The following CSMD3 variants were observed in gnomAD, a reference collection of about 807,000 sequenced individuals.
CSMD3 encodes the protein CUB and sushi domain-containing protein 3.
CSMD3 carries 177 observed loss-of-function variants against 435.2 expected under a neutral mutation model. That is an observed-to-expected ratio of 0.41 (90% confidence interval 0.36 to 0.46). CSMD3 has a LOEUF of 0.46. CSMD3 is among the 20% of genes least tolerant of loss of function. The pLI, the probability that CSMD3 is intolerant of heterozygous loss-of-function variation, is 0.34. For missense variants in CSMD3, 4,265 were observed against 4,504.6 expected (o/e 0.95, Z 1.52); for synonymous variants, 1,656 against 1,520.5 (o/e 1.09, Z -2.07).
intron 22 of CSMD3, among the ~76,000 whole-genome samples, chr8:112,615,068 C>T (rs1248574278): frequency 1.3e-5 from 2 of 151,892 alleles, no homozygotes; most frequent in Non-Finnish European, 2.9e-5. Flanking sequence ...ATAGAATATA[C>T]AGTTTAAAGT....
In CSMD3 at chr8:113,086,986, G is replaced by A. The variant is rs73338227; in HGVS notation, c.917+11770C>T. 3.6e-3 allele frequency among the ~76,000 whole-genome samples: 543 copies of A among 152,262 alleles called. 3 individuals carry two copies. Among genetic ancestry groups the A allele is most frequent in the African/African-American group, 0.012 (507 of 41,552 alleles). On this transcript the variant is annotated intron_variant, in intron 5 of 70. Coordinates refer to ENST00000297405, the MANE Select transcript of CSMD3 (RefSeq NM_198123.2). The stretch of plus-strand genomic sequence containing the variant: ...GTCATCTCTTTTAATATCTGAATAT[G>A]TTTTGTTGGAACCGCATCGCATAGC...
chr8:112,888,656 G>A (rs2081684243), intron 10 of CSMD3, among the ~76,000 whole-genome samples: 1 of 151,650 alleles, frequency 6.6e-6, no homozygotes, highest in Non-Finnish European at 1.5e-5. Flanking sequence ...GCAGAAGAAA[G>A]AAAGATGCAT....
chr8:113,138,810 AGTGTGTGTGTGTGTGT>A (rs34755068), intron 4 of CSMD3, among the ~76,000 whole-genome samples: 1 of 145,630 alleles, frequency 6.9e-6, no homozygotes, highest in Non-Finnish European at 1.5e-5. Context: ...TAAACGTGTT[AGTGTGTGTGTGTGTGT>A]GTGTGTGTGT....
At chr8:113,249,635 C>T (rs1393433808) in intron 3 of CSMD3, among the ~76,000 whole-genome samples, 1 of 151,870 alleles carries the variant, frequency 6.6e-6, no homozygotes, top group African/African-American at 2.4e-5. Flanking sequence ...TTGAATATGG[C>T]ATATAATATT....
chr8:112,964,893 A>G (rs1364690010), intron 7 of CSMD3, among the ~76,000 whole-genome samples: 1 of 151,994 alleles, frequency 6.6e-6, no homozygotes, highest in Non-Finnish European at 1.5e-5. Context: ...AATGCACCCT[A>G]AACCTAACAC....
intron 7 of CSMD3, among the ~76,000 whole-genome samples, chr8:112,962,005 T>G (rs1310313511): frequency 6.6e-6 from 1 of 152,010 alleles, no homozygotes; most frequent in African/African-American, 2.4e-5. Context: ...ACCATTGGTA[T>G]AGTTCACAGA....
At chr8:112,540,713 T>G (rs1047855073) in intron 27 of CSMD3, among the ~76,000 whole-genome samples, 1 of 151,902 alleles carries the variant, frequency 6.6e-6, no homozygotes, top group Non-Finnish European at 1.5e-5. Flanking sequence ...CACTTATATA[T>G]GGGGGCTAAC....
intron 13 of CSMD3, among the ~76,000 whole-genome samples, chr8:112,765,832 C>T (rs1222602378): frequency 2.0e-5 from 3 of 151,772 alleles, no homozygotes; most frequent in South Asian, 2.1e-4. Context: ...TTCAGATGCT[C>T]GTTGAACATC....
At chr8:112,662,441 A>C (rs2075407657) in intron 17 of CSMD3, among the ~76,000 whole-genome samples, 1 of 152,134 alleles carries the variant, frequency 6.6e-6, no homozygotes, top group Admixed American at 6.6e-5. Flanking sequence ...CCTATTTAAT[A>C]AATGGTGCTG....
intron 13 of CSMD3, among the ~76,000 whole-genome samples, chr8:112,737,068 G>T (rs2132037440): frequency 6.6e-6 from 1 of 151,978 alleles, no homozygotes; most frequent in Non-Finnish European, 1.5e-5. Flanking sequence ...CAGAGAGAAA[G>T]AAATCTGAGA....
rs1234133046 is a variant in CSMD3, at chr8:112,319,965, C to T, written c.7182G>A (p.Val2394=). The T allele has an allele frequency of 3.1e-6, 5 of 1,611,940 alleles. No homozygotes were observed. The Middle Eastern group carries it at 6.6e-4, about 213-fold the overall frequency. The change falls in exon 46 of 71, where the codon GTG becomes GTA. Residue 2394 remains valine, a synonymous_variant. Transcript: ENST00000297405. ...TGGGCACAGGTGGTGGAGGTTGGCA[C>T]ACCCTTAGTTGATAGGCTACAAAAA... ...VLSYHAYQLR[V]CQPPPPVPNA... is the part of the protein sequence containing the mutation.
chr8:112,711,833 A>C (rs934739055), intron 13 of CSMD3, among the ~76,000 whole-genome samples: 1 of 152,086 alleles, frequency 6.6e-6, no homozygotes, highest in Non-Finnish European at 1.5e-5. Context: ...GGCTCACTGC[A>C]GCTCACTGAG....
At chr8:112,454,460 A>C (rs1319239137) in intron 32 of CSMD3, among the ~76,000 whole-genome samples, 1 of 152,210 alleles carries the variant, frequency 6.6e-6, no homozygotes, top group Admixed American at 6.5e-5. Context: ...AAATAACATG[A>C]ACAGGCATTT....
At chr8:113,203,168 T>A (rs1056826203) in intron 3 of CSMD3, among the ~76,000 whole-genome samples, 1 of 152,166 alleles carries the variant, frequency 6.6e-6, no homozygotes, top group Non-Finnish European at 1.5e-5. Context: ...TGAAATGATA[T>A]ATATGCTAAT....
At chr8:112,869,712 A>G (rs2081078032) in intron 10 of CSMD3, among the ~76,000 whole-genome samples, 1 of 152,130 alleles carries the variant, frequency 6.6e-6, no homozygotes, top group South Asian at 2.1e-4. Context: ...ATAAAAAGGA[A>G]TGAATTCTTG....
chr8:112,963,384 A>C (rs548437000), intron 7 of CSMD3, among the ~76,000 whole-genome samples: 3 of 152,090 alleles, frequency 2.0e-5, no homozygotes, highest in African/African-American at 7.2e-5. Context: ...ATGTACTCTG[A>C]TGAACATACC....
chr8:113,271,857 G>T (rs2093530418), intron 3 of CSMD3, among the ~76,000 whole-genome samples: 1 of 152,230 alleles, frequency 6.6e-6, no homozygotes, highest in African/African-American at 2.4e-5. Context: ...AACCAGAAGT[G>T]GTGCTATACC....
intron 5 of CSMD3, among the ~76,000 whole-genome samples, chr8:113,086,736 A>G (rs1234613494): frequency 1.3e-5 from 2 of 152,116 alleles, no homozygotes; most frequent in African/African-American, 2.4e-5. Context: ...TTAAAGTATG[A>G]TATTTTATTG....
intron 13 of CSMD3, among the ~76,000 whole-genome samples, chr8:112,763,955 T>G (rs1399519548): frequency 6.6e-6 from 1 of 151,452 alleles, no homozygotes; most frequent in Non-Finnish European, 1.5e-5. Flanking sequence ...TCTTCCTAAC[T>G]TATAAGTAGC....
Sources: gnomAD v4.1 joint callset for allele counts (sites outside exome capture counted in the v4.1 genomes callset) on GRCh38, gnomAD v4.1.1 for gene constraint, MANE v1.5 for transcripts, NCBI Gene and HGNC (gene_info 2026-07-23, HGNC 2026-07-21) for gene names.